NLGN1: variants seen among roughly 807,000 people sequenced by gnomAD.
The protein encoded by NLGN1 is neuroligin-1.
A neutral mutation model predicts 65.5 loss-of-function variants in NLGN1; 12 were observed. The ratio of observed to expected loss-of-function variants is 0.18; its 90% CI spans 0.12 to 0.30. The LOEUF is 0.30. Ranked by LOEUF, NLGN1 falls within the 10% of genes least tolerant of loss-of-function variation. NLGN1 has a pLI of 1.00. For missense variants in NLGN1, 750 were observed against 1,007.1 expected (o/e 0.74, Z 3.46); for synonymous variants, 350 against 359.5 (o/e 0.97, Z 0.30).
intron 4 of NLGN1, among the ~76,000 whole-genome samples, chr3:173,830,007 T>TC (rs1553863519): frequency 7.8e-6 from 1 of 128,594 alleles, no homozygotes; most frequent in African/African-American, 3.2e-5. Context: ...GTGGGTAGTG[T>TC]GGGGGGGGGA....
At chr3:173,480,511 A>C (rs1727094004) in intron 2 of NLGN1, among the ~76,000 whole-genome samples, 1 of 152,184 alleles carries the variant, frequency 6.6e-6, no homozygotes, top group South Asian at 2.1e-4. Context: ...GAATAGATCC[A>C]AGATGTTACT....
intron 4 of NLGN1, among the ~76,000 whole-genome samples, chr3:174,158,530 G>T (rs1725888133): frequency 6.6e-6 from 1 of 151,660 alleles, no homozygotes; most frequent in Non-Finnish European, 1.5e-5. Flanking sequence ...GTTGTCTATG[G>T]ATCAGAAGCC....
intron 3 of NLGN1, among the ~76,000 whole-genome samples, chr3:173,636,134 CTTG>C (rs1287066320): frequency 6.6e-6 from 1 of 152,038 alleles, no homozygotes; most frequent in Non-Finnish European, 1.5e-5. Context: ...TATTTATCAA[CTTG>C]TTGTTTAGTA....
chr3:173,706,166 T>C (rs1300931136), intron 3 of NLGN1, among the ~76,000 whole-genome samples: 1 of 152,174 alleles, frequency 6.6e-6, no homozygotes, highest in East Asian at 1.9e-4. Flanking sequence ...TGTTTATGAT[T>C]TGGTATATAC....
At chr3:173,571,904 G>T (rs1418603165) in intron 2 of NLGN1, among the ~76,000 whole-genome samples, 1 of 151,962 alleles carries the variant, frequency 6.6e-6, no homozygotes, top group Non-Finnish European at 1.5e-5. Flanking sequence ...ATGTGAACAG[G>T]GTAAAAAATT....
At chr3:173,686,270 TA>T (rs781316584) in intron 3 of NLGN1, among the ~76,000 whole-genome samples, 1,478 of 135,666 alleles carry the variant, frequency 0.011, 14 homozygotes, top group Admixed American at 0.037. Flanking sequence ...AGCGCTTGAC[TA>T]AAAAAAAAAA....
intron 3 of NLGN1, among the ~76,000 whole-genome samples, chr3:173,743,238 T>C (rs902263458): frequency 3.3e-5 from 5 of 152,192 alleles, no homozygotes; most frequent in Admixed American, 6.5e-5. Context: ...CATTAATGTT[T>C]GATAATGGCT....
intron 3 of NLGN1, among the ~76,000 whole-genome samples, chr3:173,618,284 G>A (rs1753449390): frequency 6.6e-6 from 1 of 151,918 alleles, no homozygotes; most frequent in South Asian, 2.1e-4. Flanking sequence ...TAATCCTTGA[G>A]CCCATGGGCT....
Position 173,587,343 on chromosome 3 carries a change from CA to C in NLGN1, c.-320-16932del, listed in dbSNP as rs1428681664. On this transcript the variant is annotated intron_variant, in intron 2 of 6. Transcript: ENST00000457714. ...TTTGTTTCTACAAGCAGTACATACA[CA>C]AAACTTTCAGTAAACTTTGTAGGTA... Among the ~76,000 whole-genome samples, 11 of 10,956 alleles carry C rather than the reference CA, an allele frequency of 1.0e-3. No individual in the cohort carries two copies. The African/African-American group carries it at 0.014, about 14-fold the overall frequency. The allele number at this position is 10,956 out of a possible 152,430, so 7.2% of individuals were successfully genotyped here.
chr3:174,178,042 C>T (rs1284632732), intron 4 of NLGN1, among the ~76,000 whole-genome samples: 1 of 151,968 alleles, frequency 6.6e-6, no homozygotes, highest in Non-Finnish European at 1.5e-5. Context: ...TCTTTGCCTC[C>T]GTTTCTTGAT....
chr3:173,846,651 C>T (rs1252172611), intron 4 of NLGN1, among the ~76,000 whole-genome samples: 3 of 152,138 alleles, frequency 2.0e-5, no homozygotes, highest in East Asian at 1.9e-4. Context: ...AACTGCAGGT[C>T]GTCCTTTTAG....
At chr3:174,105,995 A>G (rs1386126835) in intron 4 of NLGN1, among the ~76,000 whole-genome samples, 1 of 152,122 alleles carries the variant, frequency 6.6e-6, no homozygotes, top group Non-Finnish European at 1.5e-5. Context: ...ATTACCATCA[A>G]TTGAGAATCT....
chr3:173,426,287 T>C (rs1716089450), intron 1 of NLGN1, among the ~76,000 whole-genome samples: 1 of 152,140 alleles, frequency 6.6e-6, no homozygotes, highest in African/African-American at 2.4e-5. Context: ...CAAGGACAAT[T>C]TGACTTCTTC....
chr3:173,772,059 C>G (rs1779668796), intron 3 of NLGN1, among the ~76,000 whole-genome samples: 1 of 152,004 alleles, frequency 6.6e-6, no homozygotes, highest in East Asian at 1.9e-4. Flanking sequence ...GAACAAAACC[C>G]AGGGCATATT....
At chr3:173,552,827 G>A (rs1203587168) in intron 2 of NLGN1, among the ~76,000 whole-genome samples, 1 of 152,144 alleles carries the variant, frequency 6.6e-6, no homozygotes, top group East Asian at 1.9e-4. Context: ...TACTGTTAAT[G>A]TTTTGTCATA....
At chr3:173,535,074 A>G (rs565900858) in intron 2 of NLGN1, among the ~76,000 whole-genome samples, 1 of 152,188 alleles carries the variant, frequency 6.6e-6, no homozygotes, top group African/African-American at 2.4e-5. Flanking sequence ...AACACATACA[A>G]TTTAACAGAA....
At position 173,907,773 on chromosome 3, in the gene NLGN1, C is replaced by T. The variant is rs545984086; in HGVS notation, c.646+99941C>T. Among the ~76,000 whole-genome samples the T allele has an allele frequency of 7.9e-5, 12 of 151,768 alleles. No homozygotes were observed. The East Asian group carries it at 1.2e-3, about 15-fold the overall frequency. On this transcript the variant is annotated intron_variant, in intron 4 of 6. Transcript: ENST00000457714. ...CTAATTTTTGTATTCTTAGTAGAGA[C>T]GGGGTTTCACCATGTTGGCCAGGCT...
At chr3:173,566,006 A>G (rs746403294) in intron 2 of NLGN1, among the ~76,000 whole-genome samples, 11 of 152,188 alleles carry the variant, frequency 7.2e-5, no homozygotes, top group Non-Finnish European at 1.5e-4. Context: ...TTGAAACTCA[A>G]AGTAAGTAAA....
At chr3:174,244,316 T>C (rs1350062981) in intron 4 of NLGN1, among the ~76,000 whole-genome samples, 1 of 152,102 alleles carries the variant, frequency 6.6e-6, no homozygotes, top group East Asian at 1.9e-4. Flanking sequence ...TTTAAAAAGG[T>C]CAAATATGAT....
Sources: gnomAD v4.1 joint callset for allele counts (sites outside exome capture counted in the v4.1 genomes callset) on GRCh38, gnomAD v4.1.1 for gene constraint, MANE v1.5 for transcripts, NCBI Gene and HGNC (gene_info 2026-07-23, HGNC 2026-07-21) for gene names.